The following SCAF1 variants were observed in gnomAD, a reference collection of about 807,000 sequenced individuals.
SCAF1 encodes splicing factor, arginine/serine-rich 19.
SCAF1 carries 28 observed loss-of-function variants against 91.2 expected under a neutral mutation model. That is an observed-to-expected ratio of 0.31 (90% CI 0.23 to 0.42). SCAF1 has a LOEUF of 0.42. Among genes scored for constraint, SCAF1 ranks in the 10% least tolerant of loss-of-function variants. The pLI, the probability that SCAF1 is intolerant of heterozygous loss-of-function variation, is 1.00. For missense variants in SCAF1, 1,893 were observed against 1,872.1 expected (o/e 1.01, Z -0.21); for synonymous variants, 1,036 against 833.7 (o/e 1.24, Z -4.18).
intron 1 of SCAF1, chr19:49,644,701 T>A: frequency 4.4e-6 from 1 of 226,658 alleles, no homozygotes; most frequent in Non-Finnish European, 8.7e-6. Context: ...GTCTTGAAGT[T>A]TGGATAGGTT....
Position 49,654,815 on chromosome 19 carries a change from C to T in SCAF1, c.3563C>T (p.Thr1188Met), listed in dbSNP as rs1213422481. ...TPPTPTGLAA[T>M]SDKREGSSSS... is the part of the protein sequence containing the mutation. ...CCCACCCCCACCGGGCTGGCTGCCA[C>T]GTCTGACAAGAGAGAGGGCAGCAGC... is the stretch of plus-strand genomic sequence containing the variant. The change falls in exon 9 of 11, where the codon ACG (threonine) becomes ATG (methionine). Residue 1188 changes from threonine to methionine, a missense_variant. This residue lies in a region of SCAF1 where 1,436 missense variants were observed against 1,306.8 expected (regional missense o/e 1.10). Transcript: ENST00000360565. 15 of 1,612,426 alleles carry T rather than the reference C, an allele frequency of 9.3e-6. No homozygotes were observed. Among genetic ancestry groups the T allele is most frequent in the Admixed American group, 1.7e-5 (1 of 59,970 alleles).
chr19:49,641,854 C>G (rs1271701119), upstream of SCAF1, among the ~76,000 whole-genome samples: 1 of 152,228 alleles, frequency 6.6e-6, no homozygotes, highest in Non-Finnish European at 1.5e-5. Flanking sequence ...AATTCCCTTG[C>G]GTCTGTTCTG....
rs779574657 is a variant in SCAF1 at position 49,653,441 on chromosome 19, C to G, written c.3052C>G (p.Arg1018Gly). ...GGAGGCCACTGAGGAGGCTGGGGTC[C>G]GAGGTGGGGCGGAGGAGGAGGAGGA... ...PEEATEEAGVRGGAEEEEEEE... is the reference protein window; with the variant it reads ...PEEATEEAGVGGGAEEEEEEE... Residue 1018 changes from arginine to glycine, a missense_variant, in exon 7 of 11, where the codon CGA becomes GGA. This residue lies in a region of SCAF1 where 1,436 missense variants were observed against 1,306.8 expected (regional missense o/e 1.10). Coordinates refer to ENST00000360565, the MANE Select transcript of SCAF1 (RefSeq NM_021228.3). The G allele has an allele frequency of 1.3e-6, 2 of 1,544,334 alleles. No individual in the cohort carries two copies. Among genetic ancestry groups the G allele is most frequent in the South Asian group, 1.2e-5 (1 of 80,522 alleles).
rs764856968 is a variant in SCAF1 at position 49,652,981 on chromosome 19, C to T, written c.2592C>T (p.Val864=). 45 of 1,613,868 alleles carry T rather than the reference C, an allele frequency of 2.8e-5. No individual in the cohort carries two copies. The East Asian group carries it at 9.8e-4, about 35-fold the overall frequency. The change falls in exon 7 of 11, where the codon GTC becomes GTT. Residue 864 remains valine, a synonymous_variant. Coordinates refer to ENST00000360565, the MANE Select transcript of SCAF1 (RefSeq NM_021228.3). ...AASAGLGSIG[V]KFSRDRESRS... is the part of the protein sequence containing the mutation. ...CAGCCGGCCTGGGCTCCATTGGCGT[C>T]AAATTCAGCCGTGACCGCGAGAGTC...
At chr19:49,654,548 T>C in intron 8 of SCAF1, 104 bp from the exon 9 acceptor site, 1 of 1,352,768 alleles carries the variant, frequency 7.4e-7, no homozygotes, top group East Asian at 2.3e-5. Flanking sequence ...AAGAGGAGCC[T>C]GTTGCCTCAG....
chr19:49,650,726 C>T (rs1293196685), intron 6 of SCAF1, 142 bp from the exon 7 acceptor site: 2 of 622,592 alleles, frequency 3.2e-6, no homozygotes, highest in African/African-American at 3.7e-5. Context: ...TTGGGAGCAT[C>T]CTACGGCTGG....
In SCAF1 at chr19:49,652,960, C is replaced by A; in HGVS notation, c.2571C>A (p.Ala857=). The part of the protein sequence containing the change: ...STTPAKDAAS[A]GLGSIGVKFS... ...CCCCGGCCAAGGATGCCGCGTCAGC[C>A]GGCCTGGGCTCCATTGGCGTCAAAT... Residue 857 remains alanine, a synonymous_variant, in exon 7 of 11, where the codon GCC becomes GCA. Transcript: ENST00000360565. The A allele has an allele frequency of 1.2e-6, 2 of 1,613,888 alleles. No homozygotes were observed. Among genetic ancestry groups the A allele is most frequent in the Non-Finnish European group, 1.7e-6 (2 of 1,179,992 alleles).
At chr19:49,644,422 A>T (rs541676128) in intron 1 of SCAF1, among the ~76,000 whole-genome samples, 1 of 152,306 alleles carries the variant, frequency 6.6e-6, no homozygotes, top group East Asian at 1.9e-4. Flanking sequence ...TTTTCATTTT[A>T]AAAATGGCAT....
At position 49,645,151 on chromosome 19, in the gene SCAF1, C is replaced by A. The variant is rs377095373; in HGVS notation, c.108+17C>A. 1.9e-6 allele frequency: 3 copies of A among 1,608,832 alleles called. No homozygotes were observed. In the East Asian group the frequency reaches 6.7e-5, roughly 36 times the overall value. On this transcript the variant is annotated intron_variant, in intron 2 of 10. Coordinates refer to ENST00000360565, the MANE Select transcript of SCAF1 (RefSeq NM_021228.3). The surrounding 1 kb of genome is among the most constrained non-coding windows in gnomAD (Gnocchi z 4.6). ...TTTATCCTGGTGAGGCTGCTGGGCTCCTGGCACTGAGGGATGGAGGAGCTG... is the reference window on the plus strand; with the variant it reads ...TTTATCCTGGTGAGGCTGCTGGGCTACTGGCACTGAGGGATGGAGGAGCTG...
chr19:49,656,683 C>T, intron 9 of SCAF1, among the ~76,000 whole-genome samples: 1 of 152,226 alleles, frequency 6.6e-6, no homozygotes, highest in East Asian at 1.9e-4. Flanking sequence ...AGAGCCTTGC[C>T]TCGGAGGCTC....
intron 6 of SCAF1, among the ~76,000 whole-genome samples, chr19:49,648,430 A>G (rs1002039776): frequency 6.6e-6 from 1 of 151,820 alleles, no homozygotes; most frequent in African/African-American, 2.4e-5. Context: ...TTATTTTTTT[A>G]AAATTTTTAA....
intron 1 of SCAF1, among the ~76,000 whole-genome samples, chr19:49,643,191 A>G (rs1418768431): frequency 6.6e-6 from 1 of 152,200 alleles, no homozygotes; most frequent in African/African-American, 2.4e-5. Flanking sequence ...GTTAGAATTA[A>G]TCTACATTAG....
rs1323783784 is a variant in SCAF1, at chr19:49,651,343, G to A, written c.954G>A (p.Glu318=). ...NSLSQDFPGD[E]SPRPDAQPTQ... The stretch of plus-strand genomic sequence containing the variant: ...TGAGCCAGGACTTCCCAGGTGACGA[G>A]AGCCCCCGCCCGGACGCGCAGCCCA... The change falls in exon 7 of 11, where the codon GAG becomes GAA. Residue 318 remains glutamate, a synonymous_variant. Coordinates refer to ENST00000360565, the MANE Select transcript of SCAF1 (RefSeq NM_021228.3). The A allele has an allele frequency of 4.5e-5, 72 of 1,608,780 alleles. No homozygotes were observed. The highest frequency in any genetic ancestry group is 5.9e-5 in the Non-Finnish European group (70 of 1,179,852).
Position 49,652,377 on chromosome 19 carries a change from C to A in SCAF1, c.1988C>A (p.Pro663Gln). The part of the protein sequence containing the change: ...KRSGDGSEKA[P>Q]APAPPPSGST... ...TCTGGGGATGGCAGCGAGAAGGCCC[C>A]GGCGCCCGCCCCGCCGCCCTCTGGC... Residue 663 changes from proline to glutamine, a missense_variant, in exon 7 of 11, where the codon CCG becomes CAG. Coordinates refer to ENST00000360565, the MANE Select transcript of SCAF1 (RefSeq NM_021228.3). The A allele has an allele frequency of 6.5e-7, 1 of 1,544,554 alleles. No individual in the cohort carries two copies. The highest frequency in any genetic ancestry group is 2.4e-5 in the East Asian group (1 of 41,480).
chr19:49,643,854 C>T (rs548323674), intron 1 of SCAF1, among the ~76,000 whole-genome samples: 1 of 152,204 alleles, frequency 6.6e-6, no homozygotes, highest in African/African-American at 2.4e-5. Context: ...TTAGGTGGAG[C>T]TGGGAGGCTG....
chr19:49,642,906 A>G lies in SCAF1; in HGVS notation c.-7+664A>G, dbSNP rs1241605027. Reference sequence around the variant, plus strand: ...GATGTACTGAGGGTCTGGGGTCTCCAAGGTATGGGTAGTGTCTAATAATGG... The same window carrying G: ...GATGTACTGAGGGTCTGGGGTCTCCGAGGTATGGGTAGTGTCTAATAATGG... On this transcript the variant is annotated intron_variant, in intron 1 of 10. Coordinates refer to ENST00000360565, the MANE Select transcript of SCAF1 (RefSeq NM_021228.3). The surrounding 1 kb of genome is among the most constrained non-coding windows in gnomAD (Gnocchi z 4.0). 6.6e-6 allele frequency among the ~76,000 whole-genome samples: 1 copy of G among 152,198 alleles called. No individual in the cohort carries two copies. The highest frequency in any genetic ancestry group is 1.5e-5 in the Non-Finnish European group (1 of 68,024).
At chr19:49,648,397 C>T (rs913350448) in intron 6 of SCAF1, among the ~76,000 whole-genome samples, 1 of 152,040 alleles carries the variant, frequency 6.6e-6, no homozygotes, top group African/African-American at 2.4e-5. Context: ...TGGGCGTGAG[C>T]CACCACGCCC....
chr19:49,656,784 T>A (rs2081141991), intron 9 of SCAF1, among the ~76,000 whole-genome samples: 1 of 152,218 alleles, frequency 6.6e-6, no homozygotes, highest in African/African-American at 2.4e-5. Context: ...GTCTTTGCTC[T>A]GTACCCAGCC....
chr19:49,654,724 C>T lies in SCAF1; in HGVS notation c.3472C>T (p.Pro1158Ser). The change falls in exon 9 of 11, where the codon CCC becomes TCC. Residue 1158 changes from proline to serine, a missense_variant. Pro to Ser is a moderately conservative substitution (Grantham distance 74). Coordinates refer to ENST00000360565, the MANE Select transcript of SCAF1 (RefSeq NM_021228.3). ...PAPVPTSLGL[P>S]PGPSSYLLPG... The stretch of plus-strand genomic sequence containing the variant: ...TCCTGTGCCCACCTCTTTGGGTCTG[C>T]CCCCTGGCCCCTCCAGCTACCTGCT... The T allele has an allele frequency of 6.2e-7, 1 of 1,613,852 alleles. No individual in the cohort carries two copies. The highest frequency in any genetic ancestry group is 8.5e-7 in the Non-Finnish European group (1 of 1,179,824).
Sources: allele counts gnomAD v4.1 joint callset (sites outside exome capture counted in the v4.1 genomes callset), GRCh38; gene constraint gnomAD v4.1.1; regional missense constraint gnomAD v4.1.1; non-coding constraint Gnocchi (gnomAD v3.1); transcripts MANE v1.5; gene names NCBI Gene and HGNC (gene_info 2026-07-23, HGNC 2026-07-21).